PRTG: variants seen among roughly 807,000 people sequenced by gnomAD.
The protein encoded by PRTG is protogenin.
PRTG carries 67 observed loss-of-function variants against 122.5 expected under a neutral mutation model. That is an observed-to-expected ratio of 0.55 (90% CI 0.45 to 0.67). PRTG has a LOEUF of 0.67. PRTG is among the 30% of genes least tolerant of loss of function. PRTG has a pLI of 0.00. For missense variants in PRTG, 1,435 were observed against 1,415.4 expected, an observed-to-expected ratio of 1.01 and a Z score of -0.22; for synonymous variants, 554 against 501.1, an observed-to-expected ratio of 1.11 and a Z score of -1.41.
chr15:55,620,582 T>C lies in PRTG; in HGVS notation c.3198+81A>G, dbSNP rs1006505762. 1.5e-5 allele frequency: 22 copies of C among 1,500,066 alleles called. No individual in the cohort carries two copies. The Admixed American group carries it at 5.4e-4, about 37-fold the overall frequency. 92.9% of individuals were successfully genotyped at this position (1,500,066 alleles called of 1,614,324 possible). On this transcript the variant is annotated intron_variant, in intron 19 of 19. Transcript: ENST00000389286. ...GAACACAGAAAATTAAAATAAAGCA[T>C]GAATTCACATTTTCCTCTTTTTAAA...
intron 2 of PRTG, among the ~76,000 whole-genome samples, chr15:55,716,602 C>G (rs2030608962): frequency 6.6e-6 from 1 of 152,182 alleles, no homozygotes; most frequent in Non-Finnish European, 1.5e-5. Flanking sequence ...ACAGTATTTT[C>G]CTTTATTTTC....
chr15:55,743,051 C>G lies in PRTG; in HGVS notation c.-120G>C. On this transcript the variant is annotated 5_prime_UTR_variant, in exon 1 of 20. Transcript: ENST00000389286. ...CACGCAGCCTGGCTCCCCGCTCCGG[C>G]TCCGGCACCGGCGTGGCGAGCGTCT... is the stretch of plus-strand genomic sequence containing the variant. 2 of 1,308,216 alleles carry G rather than the reference C, an allele frequency of 1.5e-6. No homozygotes were observed. Among genetic ancestry groups the G allele is most frequent in the Non-Finnish European group, 1.9e-6 (2 of 1,033,324 alleles). The allele number at this position is 1,308,216 out of a possible 1,614,324, so 81.0% of individuals were successfully genotyped here.
intron 14 of PRTG, among the ~76,000 whole-genome samples, chr15:55,638,038 T>G (rs2059267541): frequency 6.6e-6 from 1 of 152,190 alleles, no homozygotes; most frequent in African/African-American, 2.4e-5. Flanking sequence ...TATAATAGAT[T>G]ATCTAGTCCT....
At chr15:55,732,907 A>G (rs1195047300) in intron 2 of PRTG, among the ~76,000 whole-genome samples, 1 of 152,182 alleles carries the variant, frequency 6.6e-6, no homozygotes, top group African/African-American at 2.4e-5. Context: ...AAATATATAC[A>G]ACGCTTAAAA....
At chr15:55,677,405 G>C (rs996269896) in intron 8 of PRTG, among the ~76,000 whole-genome samples, 1 of 151,938 alleles carries the variant, frequency 6.6e-6, no homozygotes, top group Non-Finnish European at 1.5e-5. Context: ...AATATACATA[G>C]TTTATTATTT....
At chr15:55,662,899 A>G (rs2059417848) in intron 11 of PRTG, among the ~76,000 whole-genome samples, 1 of 152,208 alleles carries the variant, frequency 6.6e-6, no homozygotes, top group African/African-American at 2.4e-5. Flanking sequence ...ACTGCACAAC[A>G]ATAATTCGCC....
At chr15:55,694,827 A>G (rs944122880) in intron 2 of PRTG, among the ~76,000 whole-genome samples, 4 of 152,128 alleles carry the variant, frequency 2.6e-5, no homozygotes, top group African/African-American at 9.7e-5. Context: ...CCTTCCCCAG[A>G]CTTTGTTTCC....
At chr15:55,674,637 T>G (rs934235192) in intron 9 of PRTG, among the ~76,000 whole-genome samples, 22 of 152,168 alleles carry the variant, frequency 1.4e-4, no homozygotes, top group African/African-American at 4.8e-4. Context: ...TAAGTCTGAT[T>G]TTATAAACAC....
intron 2 of PRTG, among the ~76,000 whole-genome samples, chr15:55,695,369 C>T (rs965411579): frequency 6.6e-5 from 10 of 152,150 alleles, no homozygotes; most frequent in South Asian, 2.1e-4. Context: ...ATTTAAAATA[C>T]GTCCACTACA....
At chr15:55,634,390 G>A (rs1202835110) in intron 15 of PRTG, among the ~76,000 whole-genome samples, 1 of 151,942 alleles carries the variant, frequency 6.6e-6, no homozygotes, top group Non-Finnish European at 1.5e-5. Flanking sequence ...TTTTTAGGCA[G>A]GTGCAAATGA....
intron 11 of PRTG, among the ~76,000 whole-genome samples, chr15:55,661,730 A>G (rs1252304762): frequency 6.6e-6 from 1 of 152,166 alleles, no homozygotes; most frequent in African/African-American, 2.4e-5. Context: ...CTACAAAGAG[A>G]AGCCAGATGC....
intron 11 of PRTG, among the ~76,000 whole-genome samples, chr15:55,664,455 C>T (rs1448996328): frequency 6.6e-6 from 1 of 151,792 alleles, no homozygotes; most frequent in African/African-American, 2.4e-5. Context: ...GATGAATAAA[C>T]TTTAATATAA....
chr15:55,641,681 T>C (rs879793363), intron 11 of PRTG, among the ~76,000 whole-genome samples: 2 of 152,246 alleles, frequency 1.3e-5, no homozygotes, highest in African/African-American at 4.8e-5. Context: ...ATTGTCATTC[T>C]TTAGTACCTT....
In PRTG at chr15:55,672,560, T is replaced by C. The variant is rs1188721505; in HGVS notation, c.1926A>G (p.Val642=). ...AGCCCTGAATAGCAGCTGTGTCCTC[T>C]ACATCTTGCTGCCACCTCACAGAAA... ...TTISVRWQQD[V]EDTAAIQGYK... The change falls in exon 11 of 20, where the codon GTA becomes GTG. Residue 642 remains valine, a synonymous_variant. Coordinates refer to ENST00000389286, the MANE Select transcript of PRTG (RefSeq NM_173814.6). 2 of 1,613,926 alleles carry C rather than the reference T, an allele frequency of 1.2e-6. No individual in the cohort carries two copies. Among genetic ancestry groups the C allele is most frequent in the Non-Finnish European group, 1.7e-6 (2 of 1,179,930 alleles).
chr15:55,691,296 C>CAA (rs59129695), intron 2 of PRTG, among the ~76,000 whole-genome samples: 55 of 82,830 alleles, frequency 6.6e-4, no homozygotes, highest in African/African-American at 1.9e-3. Flanking sequence ...AACTCTGTTT[C>CAA]AAAAAAAAAA....
intron 15 of PRTG, among the ~76,000 whole-genome samples, chr15:55,630,533 C>A (rs1322267642): frequency 6.6e-6 from 1 of 152,172 alleles, no homozygotes; most frequent in Non-Finnish European, 1.5e-5. Flanking sequence ...AAAATCACCA[C>A]CAGCAATCTG....
At chr15:55,635,572 G>A (rs952564942) in intron 15 of PRTG, among the ~76,000 whole-genome samples, 17 of 152,266 alleles carry the variant, frequency 1.1e-4, no homozygotes, top group African/African-American at 2.9e-4. Flanking sequence ...ATAGATAACC[G>A]ATATAAACAT....
intron 2 of PRTG, among the ~76,000 whole-genome samples, chr15:55,727,140 G>C (rs578181119): frequency 3.1e-4 from 47 of 151,358 alleles, no homozygotes; most frequent in Non-Finnish European, 6.3e-4. Context: ...AGCTAGCAGA[G>C]GGAAGGAAAT....
intron 11 of PRTG, among the ~76,000 whole-genome samples, chr15:55,652,853 G>C (rs1046569546): frequency 9.9e-5 from 15 of 151,942 alleles, no homozygotes; most frequent in African/African-American, 3.4e-4. Flanking sequence ...CTCTAAGACA[G>C]AATTCTTTGT....
Sources: allele counts gnomAD v4.1 joint callset (sites outside exome capture counted in the v4.1 genomes callset), GRCh38; gene constraint gnomAD v4.1.1; transcripts MANE v1.5; gene names NCBI Gene and HGNC (gene_info 2026-07-23, HGNC 2026-07-21).